Variants in PASD1 observed in about 807,000 individuals in gnomAD.
PASD1 encodes circadian clock protein PASD1.
A neutral mutation model predicts 58.8 loss-of-function variants in PASD1; 13 were observed. The observed-to-expected ratio is 0.22, with a 90% confidence interval of 0.14 to 0.35. PASD1 has a LOEUF of 0.35. Among genes scored for constraint, PASD1 ranks in the 10% least tolerant of loss-of-function variants. The pLI is 1.00. For missense variants in PASD1, 734 were observed against 568.3 expected, an observed-to-expected ratio of 1.29 and a Z score of -2.96; for synonymous variants, 236 against 216.7, an observed-to-expected ratio of 1.09 and a Z score of -0.78.
At chrX:151,657,774 C>T (rs1253564176) in intron 9 of PASD1, among the ~76,000 whole-genome samples, 1 of 109,233 alleles carries the variant, frequency 9.2e-6, no homozygotes, top group East Asian at 2.8e-4. Context: ...GTCTTGCTAG[C>T]GGTCTATCAA....
At chrX:151,585,826 A>G (rs1404970062) in intron 1 of PASD1, among the ~76,000 whole-genome samples, 1 of 112,193 alleles carries the variant, frequency 8.9e-6, no homozygotes, top group Non-Finnish European at 1.9e-5. Flanking sequence ...TACTCCTTTC[A>G]GAGGATTGTT....
chrX:151,615,068 A>G (rs1431532672), intron 4 of PASD1, among the ~76,000 whole-genome samples: 1 of 111,627 alleles, frequency 9.0e-6, no homozygotes, highest in Non-Finnish European at 1.9e-5. Context: ...AGTATGATCC[A>G]CTACAGCTTA....
At chrX:151,659,082 T>C (rs1156829932) in intron 9 of PASD1, among the ~76,000 whole-genome samples, 2 of 112,355 alleles carry the variant, frequency 1.8e-5, no homozygotes, top group Non-Finnish European at 1.9e-5. Flanking sequence ...AGTGAGAACA[T>C]TGGACTAGAA....
At chrX:151,655,680 T>C (rs1178714844) in intron 9 of PASD1, among the ~76,000 whole-genome samples, 30 of 112,281 alleles carry the variant, frequency 2.7e-4, no homozygotes, top group East Asian at 5.6e-4. Flanking sequence ...TCATATCCTT[T>C]GCCCACTTGT....
intron 1 of PASD1, among the ~76,000 whole-genome samples, chrX:151,595,151 G>A (rs772661209): frequency 9.0e-6 from 1 of 111,589 alleles, no homozygotes; most frequent in East Asian, 2.8e-4. Context: ...TTGGATATAT[G>A]AGTTTATATT....
chrX:151,666,988 T>A (rs1160226914), intron 11 of PASD1, among the ~76,000 whole-genome samples: 27 of 109,804 alleles, frequency 2.5e-4, no homozygotes, highest in Non-Finnish European at 3.8e-5. Flanking sequence ...TGAACTAGTT[T>A]ACAGTCCCAC....
chrX:151,653,576 C>T (rs890741397), intron 9 of PASD1, among the ~76,000 whole-genome samples: 7 of 110,122 alleles, frequency 6.4e-5, no homozygotes, highest in African/African-American at 9.9e-5. Context: ...TTAGGGATGA[C>T]GTGAGCAACT....
intron 9 of PASD1, among the ~76,000 whole-genome samples, chrX:151,652,363 C>T (rs2014139204): frequency 9.1e-6 from 1 of 110,236 alleles, no homozygotes; most frequent in East Asian, 2.9e-4. Flanking sequence ...GAAACCCCGT[C>T]TCTACTAAAA....
intron 1 of PASD1, among the ~76,000 whole-genome samples, chrX:151,579,239 A>C (rs1234550649): frequency 8.9e-6 from 1 of 112,221 alleles, no homozygotes; most frequent in Non-Finnish European, 1.9e-5. Flanking sequence ...TGTCATATAA[A>C]ATGTTAATCT....
At chrX:151,640,968 A>G (rs1256912672) in intron 8 of PASD1, 1 of 111,448 alleles carries the variant, frequency 9.0e-6, no homozygotes, top group Non-Finnish European at 1.9e-5. Flanking sequence ...GTTTTTGTTG[A>G]CTTAGTATTC....
chrX:151,631,585 C>T (rs2013867446), intron 8 of PASD1, among the ~76,000 whole-genome samples: 1 of 111,761 alleles, frequency 8.9e-6, no homozygotes, highest in Admixed American at 9.5e-5. Context: ...ATGAGTATTT[C>T]CCAGGTTCTA....
At chrX:151,618,476 G>A (rs769763702) in intron 4 of PASD1, among the ~76,000 whole-genome samples, 46 of 111,511 alleles carry the variant, frequency 4.1e-4, no homozygotes, top group African/African-American at 1.5e-3. Context: ...TACATGATAC[G>A]GTATTATTCA....
chrX:151,658,562 G>A (rs1353658893), intron 9 of PASD1, among the ~76,000 whole-genome samples: 2 of 112,252 alleles, frequency 1.8e-5, no homozygotes, highest in Non-Finnish European at 3.8e-5. Context: ...AAAGAGACAG[G>A]TCATATCTCC....
At chrX:151,665,532 A>G (rs1029281709) in intron 11 of PASD1, among the ~76,000 whole-genome samples, 3 of 111,724 alleles carry the variant, frequency 2.7e-5, no homozygotes, top group Non-Finnish European at 5.6e-5. Flanking sequence ...GCTGGAAAAC[A>G]TCTTAATCAG....
chrX:151,649,231 A>G (rs749230559), intron 9 of PASD1, among the ~76,000 whole-genome samples: 63 of 112,207 alleles, frequency 5.6e-4, no homozygotes, highest in Non-Finnish European at 9.8e-4. Context: ...GAAGAACAGA[A>G]GAGGTATCCC....
chrX:151,662,013 A>G (rs2014318469), intron 10 of PASD1, among the ~76,000 whole-genome samples: 1 of 112,382 alleles, frequency 8.9e-6, no homozygotes, highest in Admixed American at 9.4e-5. Context: ...TACTTATCAA[A>G]TATTTGAGGG....
At position 151,601,538 on chromosome X, in the gene PASD1, C is replaced by A. The variant is rs781690481; in HGVS notation, c.-16C>A. ...CACTTTGATTTCAGGAGTCTTCCTA[C>A]GTCACTGAATAATGAATGAAGATGA... On this transcript the variant is annotated 5_prime_UTR_variant, in exon 2 of 16. Transcript: ENST00000370357. 2.5e-6 allele frequency: 3 copies of A among 1,208,111 alleles called. No homozygotes were observed. In the South Asian group the frequency reaches 5.3e-5, roughly 21 times the overall value.
chrX:151,663,754 C>G (rs965442131), intron 10 of PASD1, among the ~76,000 whole-genome samples: 2 of 112,134 alleles, frequency 1.8e-5, no homozygotes, highest in African/African-American at 6.5e-5. Flanking sequence ...GTCCCACATT[C>G]TGGGCAACCC....
intron 10 of PASD1, among the ~76,000 whole-genome samples, chrX:151,662,222 C>T (rs188982098): frequency 1.1e-3 from 120 of 110,757 alleles, no homozygotes; most frequent in African/African-American, 3.7e-3. Flanking sequence ...TTCATTTATT[C>T]GTACATTCAT....
Sources: gnomAD v4.1 joint callset for allele counts (sites outside exome capture counted in the v4.1 genomes callset) on GRCh38, gnomAD v4.1.1 for gene constraint, MANE v1.5 for transcripts, NCBI Gene and HGNC (gene_info 2026-07-23, HGNC 2026-07-21) for gene names.